The following GFM1 variants were observed in gnomAD, a reference collection of about 807,000 sequenced individuals.
GFM1 encodes G elongation factor mitochondrial 1.
A neutral mutation model predicts 96.2 loss-of-function variants in GFM1; 62 were observed. That is an observed-to-expected ratio of 0.64 (90% CI 0.53 to 0.80). The LOEUF (loss-of-function observed/expected upper bound fraction) is 0.80. Ranked by LOEUF, GFM1 falls within the 30% of genes least tolerant of loss-of-function variation. The pLI is 0.00. For missense variants in GFM1, 852 were observed against 916.6 expected (o/e 0.93, Z 0.91); for synonymous variants, 282 against 312.9 (o/e 0.90, Z 1.04).
At position 158,652,143 on chromosome 3, in the gene GFM1, C is replaced by G; in HGVS notation, c.737C>G (p.Ala246Gly). 1 of 1,613,482 alleles carries G rather than the reference C, an allele frequency of 6.2e-7. No individual in the cohort carries two copies. Among genetic ancestry groups the G allele is most frequent in the Non-Finnish European group, 8.5e-7 (1 of 1,179,504 alleles). ...GEIPAELRAA[A>G]TDHRQELIEC... ...ATTCCAGCTGAATTAAGGGCGGCGG[C>G]CACTGACCACCGGCAGGAGCTAATT... Residue 246 changes from alanine (A) to glycine (G), a missense_variant, in exon 6 of 18, where the codon GCC becomes GGC. Ala to Gly is a moderately conservative substitution (Grantham distance 60, BLOSUM62 0). Transcript: ENST00000486715.
chr3:158,676,208 G>A (rs1202633093), intron 13 of GFM1, among the ~76,000 whole-genome samples: 2 of 152,108 alleles, frequency 1.3e-5, no homozygotes, highest in Admixed American at 6.5e-5. Flanking sequence ...AGGAGGTTGC[G>A]ATGAGCCGAG....
At chr3:158,683,358 T>C (rs1305861569) in intron 14 of GFM1, among the ~76,000 whole-genome samples, 1 of 152,222 alleles carries the variant, frequency 6.6e-6, no homozygotes, top group Non-Finnish European at 1.5e-5. Flanking sequence ...CAGGAAAAAC[T>C]AACTTAAGTG....
Position 158,646,774 on chromosome 3 carries a change from G to A in GFM1, c.399G>A (p.Arg133=). The change falls in exon 4 of 18, where the codon AGG becomes AGA. Residue 133 remains arginine (R), a synonymous_variant. Coordinates refer to ENST00000486715, the MANE Select transcript of GFM1 (RefSeq NM_024996.7). ...TGGACTTCACAATAGAAGTGGAAAG[G>A]GCCCTGAGAGTGTTGGATGGTGCAG... ...GHVDFTIEVE[R]ALRVLDGAVL... 6.2e-7 allele frequency: 1 copy of A among 1,614,006 alleles called. No individual in the cohort carries two copies. Among genetic ancestry groups the A allele is most frequent in the East Asian group, 2.2e-5 (1 of 44,884 alleles).
At chr3:158,666,919 T>G in intron 13 of GFM1, 2 of 1,521,690 alleles carry the variant, frequency 1.3e-6, no homozygotes, top group Non-Finnish European at 1.8e-6. Context: ...ACATGAATTC[T>G]GATTTAGAGT....
At chr3:158,664,150 C>A (rs1289591474) in intron 11 of GFM1, among the ~76,000 whole-genome samples, 1 of 152,158 alleles carries the variant, frequency 6.6e-6, no homozygotes, top group Non-Finnish European at 1.5e-5. Context: ...AAACACATAC[C>A]ACAGCTCCAG....
At chr3:158,668,621 A>G (rs558748262) in intron 13 of GFM1, among the ~76,000 whole-genome samples, 1 of 152,354 alleles carries the variant, frequency 6.6e-6, no homozygotes, top group African/African-American at 2.4e-5. Flanking sequence ...CAGTCTAGAT[A>G]CTGTGTATTA....
chr3:158,677,583 G>T (rs1410682827), intron 13 of GFM1, among the ~76,000 whole-genome samples: 1 of 152,054 alleles, frequency 6.6e-6, no homozygotes, highest in Non-Finnish European at 1.5e-5. Context: ...TCACTACAGT[G>T]AGCCTCTGCT....
At chr3:158,650,090 C>T in intron 5 of GFM1, 1 of 1,512,218 alleles carries the variant, frequency 6.6e-7, no homozygotes, top group Non-Finnish European at 8.9e-7. Context: ...GATCAGTGAA[C>T]TATAGAATTT....
chr3:158,656,071 G>A (rs977409077), intron 8 of GFM1: 2 of 364,312 alleles, frequency 5.5e-6, no homozygotes, highest in African/African-American at 4.2e-5. Flanking sequence ...GACTGCCATC[G>A]AGGTGAAGTG....
At chr3:158,667,701 C>T (rs950331909) in intron 13 of GFM1, among the ~76,000 whole-genome samples, 9 of 152,032 alleles carry the variant, frequency 5.9e-5, no homozygotes, top group African/African-American at 2.2e-4. Context: ...GGTGGGAGGA[C>T]CGCCTGAGCC....
intron 13 of GFM1, among the ~76,000 whole-genome samples, chr3:158,679,836 A>T (rs1725213225): frequency 6.6e-6 from 1 of 152,230 alleles, no homozygotes; most frequent in Non-Finnish European, 1.5e-5. Context: ...TGTTACCACC[A>T]GTAGTGAGAA....
intron 13 of GFM1, chr3:158,669,757 G>A (rs1724091118): frequency 2.8e-6 from 2 of 711,914 alleles, no homozygotes; most frequent in African/African-American, 1.8e-5. Flanking sequence ...GTATCTAATT[G>A]GGCCTGGCCT....
chr3:158,666,710 T>A, intron 13 of GFM1: 1 of 1,614,092 alleles, frequency 6.2e-7, no homozygotes, highest in Non-Finnish European at 8.5e-7. Flanking sequence ...GTATTGTGGA[T>A]GCCAGAGAAC....
chr3:158,646,038 C>G (rs1721759536), intron 2 of GFM1, 127 bp from the exon 3 acceptor site: 1 of 1,192,546 alleles, frequency 8.4e-7, no homozygotes, highest in African/African-American at 1.5e-5. Flanking sequence ...CTGCCTCAGT[C>G]TCCCACAGTG....
At position 158,694,278 on chromosome 3, in the gene GFM1, C is replaced by T. The variant is rs1037277118; in HGVS notation, c.*2811C>T. Reference sequence around the variant, plus strand: ...AAAAAGAATGAGATCAAGTCCTTTGCAGGGACATAGATGGAGCTGGAAGCC... The same window carrying T: ...AAAAAGAATGAGATCAAGTCCTTTGTAGGGACATAGATGGAGCTGGAAGCC... On this transcript the variant is annotated 3_prime_UTR_variant, in exon 18 of 18. Coordinates refer to ENST00000486715, the MANE Select transcript of GFM1 (RefSeq NM_024996.7). Among the ~76,000 whole-genome samples the T allele has an allele frequency of 4.6e-5, 7 of 152,112 alleles. No homozygotes were observed. The highest frequency in any genetic ancestry group is 1.0e-4 in the Non-Finnish European group (7 of 68,010).
intron 15 of GFM1, 170 bp downstream of exon 15, chr3:158,684,838 TTCTCTTTC>T: frequency 4.7e-6 from 3 of 640,798 alleles, no homozygotes; most frequent in Non-Finnish European, 8.1e-6. Context: ...GATTATTATG[TTCTCTTTC>T]TTGCAAAGCT....
At position 158,645,991 on chromosome 3, in the gene GFM1, C is replaced by T. The variant is rs987521120; in HGVS notation, c.235-174C>T. Reference sequence around the variant, plus strand: ...ATAGAAGAGGTCTCACTTTGTTGCTCAGGCTGGTCTCAAACTCTTGGGCTC... The same window carrying T: ...ATAGAAGAGGTCTCACTTTGTTGCTTAGGCTGGTCTCAAACTCTTGGGCTC... On this transcript the variant is annotated intron_variant, in intron 2 of 17. Transcript: ENST00000486715. 1.2e-5 allele frequency: 11 copies of T among 883,816 alleles called. 1 individual carries two copies. Among genetic ancestry groups the T allele is most frequent in the South Asian group, 1.0e-4 (7 of 69,454 alleles). 54.7% of individuals were successfully genotyped at this position (883,816 alleles called of 1,614,324 possible). A position where few individuals can be genotyped will look rare whatever the true frequency, so the allele number is the denominator to read the frequency against.
In GFM1 at chr3:158,686,103, T is replaced by C. The variant is rs550982193; in HGVS notation, c.1909+1435T>C. 2.0e-3 allele frequency among the ~76,000 whole-genome samples: 304 copies of C among 151,014 alleles called. 2 individuals are homozygous for C. Among genetic ancestry groups the C allele is most frequent in the African/African-American group, 7.2e-3 (296 of 41,344 alleles). Reference sequence around the variant, plus strand: ...ATACAGATCTATGTGGCCATATATATACATAGATAAATAATGTGGCCATAT... The same window carrying C: ...ATACAGATCTATGTGGCCATATATACACATAGATAAATAATGTGGCCATAT... On this transcript the variant is annotated intron_variant, in intron 15 of 17. Transcript: ENST00000486715.
At position 158,644,560 on chromosome 3, in the gene GFM1, A is replaced by T; in HGVS notation, c.-75A>T. On this transcript the variant is annotated 5_prime_UTR_variant, in exon 1 of 18. Coordinates refer to ENST00000486715, the MANE Select transcript of GFM1 (RefSeq NM_024996.7). ...AACATTGGCTGCCGGCGTGACTTTGACCGCTTCCCGGTGCGTTACCGGCAG... is the reference window on the plus strand; with the variant it reads ...AACATTGGCTGCCGGCGTGACTTTGTCCGCTTCCCGGTGCGTTACCGGCAG... The T allele has an allele frequency of 7.9e-7, 1 of 1,261,748 alleles. No individual in the cohort carries two copies. Among genetic ancestry groups the T allele is most frequent in the Non-Finnish European group, 1.1e-6 (1 of 887,628 alleles). 78.2% of individuals were successfully genotyped at this position (1,261,748 alleles called of 1,614,324 possible).
Sources: gnomAD v4.1 joint callset for allele counts (sites outside exome capture counted in the v4.1 genomes callset) on GRCh38, gnomAD v4.1.1 for gene constraint, MANE v1.5 for transcripts, NCBI Gene and HGNC (gene_info 2026-07-23, HGNC 2026-07-21) for gene names.